Variants in PRUNE2 observed in about 807,000 individuals in gnomAD.
PRUNE2 encodes the protein protein prune homolog 2.
In PRUNE2, 164 loss-of-function variants were observed where a neutral mutation model predicts 252.0. That is an observed-to-expected ratio of 0.65 (90% confidence interval 0.57 to 0.74). PRUNE2 has a LOEUF of 0.74. Among genes scored for constraint, PRUNE2 ranks in the 30% least tolerant of loss-of-function variants. The pLI is 0.00. For synonymous variants in PRUNE2, 1,292 were observed against 1,350.2 expected (o/e 0.96, Z 0.94); for missense variants, 3,495 against 3,711.0 (o/e 0.94, Z 1.51).
intron 6 of PRUNE2, among the ~76,000 whole-genome samples, chr9:76,817,536 A>G (rs2057768342): frequency 6.6e-6 from 1 of 152,144 alleles, no homozygotes; most frequent in African/African-American, 2.4e-5. Flanking sequence ...CCAGATCCAT[A>G]AAAAACTCCA....
chr9:76,797,827 T>C (rs1343537352), intron 6 of PRUNE2, among the ~76,000 whole-genome samples: 1 of 152,192 alleles, frequency 6.6e-6, no homozygotes, highest in Non-Finnish European at 1.5e-5. Context: ...GAAGTCCTGA[T>C]ATATTCATAA....
intron 6 of PRUNE2, among the ~76,000 whole-genome samples, chr9:76,719,157 T>G (rs1588820546): frequency 6.6e-6 from 1 of 152,266 alleles, no homozygotes; most frequent in Admixed American, 6.5e-5. Context: ...AGGCAGCTTT[T>G]AAAAATATAA....
intron 6 of PRUNE2, among the ~76,000 whole-genome samples, chr9:76,815,013 G>A (rs897946402): frequency 1.3e-5 from 2 of 152,102 alleles, no homozygotes; most frequent in African/African-American, 2.4e-5. Context: ...TGATGAAGTC[G>A]TATCCTCATC....
intron 6 of PRUNE2, chr9:76,819,565 G>A (rs940275867): frequency 5.3e-5 from 8 of 152,162 alleles, no homozygotes; most frequent in African/African-American, 1.7e-4. Context: ...TGTTTAAGAC[G>A]TCTAGTTTGT....
At chr9:76,831,820 A>G (rs1486983106) in intron 4 of PRUNE2, among the ~76,000 whole-genome samples, 1 of 152,204 alleles carries the variant, frequency 6.6e-6, no homozygotes. Flanking sequence ...TCAAAGACAA[A>G]TATCATCAAA....
At chr9:76,764,233 C>CAAATAAAT (rs753004096) in intron 6 of PRUNE2, among the ~76,000 whole-genome samples, 9 of 151,854 alleles carry the variant, frequency 5.9e-5, no homozygotes, top group South Asian at 4.2e-4. Flanking sequence ...AGAAAACAAA[C>CAAATAAAT]AAACAAATAA....
intron 8 of PRUNE2, 53 bp downstream of exon 8, chr9:76,704,708 A>G: frequency 8.2e-7 from 1 of 1,218,672 alleles, no homozygotes; most frequent in Non-Finnish European, 1.1e-6. Flanking sequence ...AATATGCACT[A>G]GTTTAATCAA....
intron 6 of PRUNE2, among the ~76,000 whole-genome samples, chr9:76,767,541 C>T (rs1036588791): frequency 6.6e-6 from 1 of 152,138 alleles, no homozygotes; most frequent in Non-Finnish European, 1.5e-5. Context: ...TTGATCACCT[C>T]TTTAAAAAGA....
intron 1 of PRUNE2, among the ~76,000 whole-genome samples, chr9:76,888,936 A>G (rs1187252221): frequency 1.9e-4 from 29 of 152,044 alleles, no homozygotes. Flanking sequence ...TCCGCCTCCC[A>G]GGTTCAAGCG....
chr9:76,786,122 A>C (rs1367375146), intron 6 of PRUNE2: 1 of 152,214 alleles, frequency 6.6e-6, no homozygotes, highest in East Asian at 1.9e-4. Context: ...AGCAGAAGCC[A>C]GAATTTGAAT....
At chr9:76,665,983 G>A (rs12002368) in intron 9 of PRUNE2, among the ~76,000 whole-genome samples, 2,082 of 152,160 alleles carry the variant, frequency 0.014, 53 homozygotes, top group African/African-American at 0.047. Context: ...TCATTAGTTC[G>A]TAGCAATTAC....
intron 6 of PRUNE2, among the ~76,000 whole-genome samples, chr9:76,790,769 A>G (rs1387875557): frequency 2.0e-5 from 3 of 152,320 alleles, no homozygotes; most frequent in African/African-American, 7.2e-5. Flanking sequence ...TCAGATTGAG[A>G]CACACAACAA....
At chr9:76,616,081 T>G (rs1829515366) in intron 18 of PRUNE2, among the ~76,000 whole-genome samples, 1 of 152,144 alleles carries the variant, frequency 6.6e-6, no homozygotes, top group Non-Finnish European at 1.5e-5. Context: ...CAGTGTTTTT[T>G]TGAAATGAGC....
intron 6 of PRUNE2, among the ~76,000 whole-genome samples, chr9:76,763,827 T>C (rs2052016807): frequency 7.3e-6 from 1 of 137,592 alleles, no homozygotes; most frequent in Non-Finnish European, 1.7e-5. Flanking sequence ...GGAGCTTTCT[T>C]CTGTGTTTAG....
At chr9:76,810,256 T>C (rs1444087308) in intron 6 of PRUNE2, among the ~76,000 whole-genome samples, 1 of 152,158 alleles carries the variant, frequency 6.6e-6, no homozygotes, top group Non-Finnish European at 1.5e-5. Flanking sequence ...ATTTATAACA[T>C]GAAAATAATA....
intron 6 of PRUNE2, among the ~76,000 whole-genome samples, chr9:76,776,533 T>C (rs2053780340): frequency 7.6e-6 from 1 of 131,812 alleles, no homozygotes. Flanking sequence ...TTTTTTTTTT[T>C]TGAGATGAGT....
At chr9:76,680,919 C>T (rs1480074894) in intron 9 of PRUNE2, among the ~76,000 whole-genome samples, 1 of 152,142 alleles carries the variant, frequency 6.6e-6, no homozygotes, top group Non-Finnish European at 1.5e-5. Flanking sequence ...AGAACAGCAG[C>T]GGGAAGTCTG....
Position 76,745,562 on chromosome 9 carries a change from T to C in PRUNE2, c.757-31841A>G, listed in dbSNP as rs1236437855. Reference sequence around the variant, plus strand: ...TGTTTGATGTCCCACACCTCTATGATTGCACCCCCAACCAATCAGTAGCAA... The same window carrying C: ...TGTTTGATGTCCCACACCTCTATGACTGCACCCCCAACCAATCAGTAGCAA... On this transcript the variant is annotated intron_variant, in intron 6 of 18. Coordinates refer to ENST00000376718, the MANE Select transcript of PRUNE2 (RefSeq NM_015225.3). Among the ~76,000 whole-genome samples the C allele has an allele frequency of 2.0e-5, 3 of 151,944 alleles. No homozygotes were observed. The South Asian group carries it at 6.2e-4, about 32-fold the overall frequency.
Position 76,823,727 on chromosome 9 carries a change from C to T in PRUNE2, c.662-1G>A. 6.4e-7 allele frequency: 1 copy of T among 1,574,064 alleles called. No individual in the cohort carries two copies. The highest frequency in any genetic ancestry group is 1.8e-5 in the Admixed American group (1 of 57,114). On this transcript the variant is annotated splice_acceptor_variant, in intron 5 of 18. Transcript: ENST00000376718. LOFTEE classifies it high-confidence loss of function. ...AACATTGTCTGTTCAATACTTAAAC[C>T]TGTGGATGACAGGAAAAAAAAACAT...
Sources: gnomAD v4.1 joint callset for allele counts (sites outside exome capture counted in the v4.1 genomes callset) on GRCh38, gnomAD v4.1.1 for gene constraint, MANE v1.5 for transcripts, NCBI Gene and HGNC (gene_info 2026-07-23, HGNC 2026-07-21) for gene names.